The following PLXDC1 variants were observed in gnomAD, a reference collection of about 807,000 sequenced individuals.
PLXDC1 encodes plexin domain-containing protein 1.
In PLXDC1, 39 loss-of-function variants were observed where a neutral mutation model predicts 61.3. The ratio of observed to expected loss-of-function variants is 0.64; its 90% CI spans 0.49 to 0.83. The LOEUF (loss-of-function observed/expected upper bound fraction) is 0.83. PLXDC1 is among the 40% of genes least tolerant of loss of function. The pLI is 0.00. For synonymous variants in PLXDC1, 212 were observed against 254.5 expected (o/e 0.83, Z 1.59); for missense variants, 596 against 666.5 (o/e 0.89, Z 1.17).
chr17:39,079,157 T>C lies in PLXDC1; in HGVS notation c.997A>G (p.Ser333Gly). The change falls in exon 10 of 14, where the codon AGT (serine) becomes GGT (glycine). Residue 333 changes from serine to glycine, a missense_variant. Ser to Gly is a moderately conservative substitution (Grantham distance 56). Transcript: ENST00000315392. ...SWCHVLQRCSSGFDRYRQEWM... is the reference protein window; with the variant it reads ...SWCHVLQRCSGGFDRYRQEWM... ...TCCTGGCGATAGCGGTCAAAGCCAC[T>C]GGAGCATCTGCAGGAGGACCAAAAG... 1 of 1,613,706 alleles carries C rather than the reference T, an allele frequency of 6.2e-7. No individual in the cohort carries two copies. Among genetic ancestry groups the C allele is most frequent in the African/African-American group, 1.3e-5 (1 of 75,038 alleles).
intron 1 of PLXDC1, among the ~76,000 whole-genome samples, chr17:39,148,801 C>T (rs535699129): frequency 8.0e-4 from 121 of 152,152 alleles, no homozygotes; most frequent in African/African-American, 2.7e-3. Flanking sequence ...TGGTCTAAAG[C>T]TATCCTCCCA....
At chr17:39,112,135 T>C (rs1162817019) in intron 2 of PLXDC1, 1 of 152,210 alleles carries the variant, frequency 6.6e-6, no homozygotes, top group Non-Finnish European at 1.5e-5. Flanking sequence ...TGCAGAGAGA[T>C]CTGCACAAAG....
At chr17:39,119,929 C>G (rs1911105623) in intron 2 of PLXDC1, among the ~76,000 whole-genome samples, 1 of 152,038 alleles carries the variant, frequency 6.6e-6, no homozygotes, top group Non-Finnish European at 1.5e-5. Flanking sequence ...CCCAGAAAAG[C>G]TGAGTTCCCA....
intron 2 of PLXDC1, among the ~76,000 whole-genome samples, chr17:39,116,857 G>A (rs370626487): frequency 4.6e-5 from 7 of 152,294 alleles, no homozygotes; most frequent in East Asian, 1.9e-4. Context: ...CTTCCTTGTC[G>A]GGTTCAAAAG....
intron 7 of PLXDC1, among the ~76,000 whole-genome samples, chr17:39,090,503 C>T (rs1452634133): frequency 6.6e-6 from 1 of 152,152 alleles, no homozygotes; most frequent in African/African-American, 2.4e-5. Context: ...CGGAGGGTGA[C>T]CACACAAGGA....
intron 2 of PLXDC1, among the ~76,000 whole-genome samples, chr17:39,128,401 G>A (rs543019791): frequency 7.5e-4 from 114 of 151,106 alleles, no homozygotes; most frequent in African/African-American, 2.6e-3. Context: ...TATTTTTTTA[G>A]TAGAGACGGG....
chr17:39,067,632 C>A lies in PLXDC1; in HGVS notation c.*208G>T. The A allele has an allele frequency of 1.9e-6, 1 of 516,748 alleles. No individual in the cohort carries two copies. Among genetic ancestry groups the A allele is most frequent in the South Asian group, 2.9e-5 (1 of 34,160 alleles). 32.0% of individuals were successfully genotyped at this position (516,748 alleles called of 1,614,324 possible). A position where few individuals can be genotyped will look rare whatever the true frequency, so the allele number is the denominator to read the frequency against. On this transcript the variant is annotated 3_prime_UTR_variant, in exon 14 of 14. Transcript: ENST00000315392. The stretch of plus-strand genomic sequence containing the variant: ...AACAGGATGAGATTAGGTTGTTGTT[C>A]CTATAAAAAATCCATGTGGTTGTTT...
Sources: allele counts gnomAD v4.1 joint callset (sites outside exome capture counted in the v4.1 genomes callset), GRCh38; gene constraint gnomAD v4.1.1; transcripts MANE v1.5; gene names NCBI Gene and HGNC (gene_info 2026-07-23, HGNC 2026-07-21).